The following GSE1 variants were observed in gnomAD, a reference collection of about 807,000 sequenced individuals.
The protein encoded by GSE1 is genetic suppressor element 1.
GSE1 carries 32 observed loss-of-function variants against 112.6 expected under a neutral mutation model. The observed-to-expected ratio is 0.28, with a 90% CI of 0.21 to 0.38. The LOEUF (loss-of-function observed/expected upper bound fraction) is 0.38. Ranked by LOEUF, GSE1 falls within the 10% of genes least tolerant of loss-of-function variation. GSE1 has a pLI of 1.00. For missense variants in GSE1, 2,348 were observed against 1,699.2 expected (o/e 1.38, Z -6.71); for synonymous variants, 1,115 against 735.6 (o/e 1.52, Z -8.35).
chr16:85,546,126 C>G (rs189813854), intron 2 of GSE1, among the ~76,000 whole-genome samples: 15 of 151,962 alleles, frequency 9.9e-5, no homozygotes, highest in Non-Finnish European at 1.6e-4. Flanking sequence ...GCTCTGTTGC[C>G]CAGGCTAGAG....
intron 1 of GSE1, among the ~76,000 whole-genome samples, chr16:85,288,391 G>A (rs1323145164): frequency 6.6e-6 from 1 of 152,250 alleles, no homozygotes; most frequent in East Asian, 1.9e-4. Flanking sequence ...CTGGGCAGAT[G>A]GGCAAAGAGA....
intron 1 of GSE1, among the ~76,000 whole-genome samples, chr16:85,211,014 A>G (rs1039402075): frequency 3.9e-5 from 6 of 152,210 alleles, no homozygotes; most frequent in Admixed American, 3.9e-4. Flanking sequence ...GGACTGTGCC[A>G]CTTGACCTTG....
intron 1 of GSE1, among the ~76,000 whole-genome samples, chr16:85,172,579 C>T (rs896767920): frequency 1.3e-5 from 2 of 152,226 alleles, no homozygotes; most frequent in African/African-American, 2.4e-5. Flanking sequence ...CAGGAACTGC[C>T]CCCGGTGGGT....
Position 85,672,606 on chromosome 16 carries a change from TTAATA to T in GSE1, c.*69_*73del. 1 of 1,132,452 alleles carries T rather than the reference TTAATA, an allele frequency of 8.8e-7. No homozygotes were observed. Among genetic ancestry groups the T allele is most frequent in the Non-Finnish European group, 1.2e-6 (1 of 827,480 alleles). The allele number at this position is 1,132,452 out of a possible 1,614,324, so 70.2% of individuals were successfully genotyped here. A position where few individuals can be genotyped will look rare whatever the true frequency, so the allele number is the denominator to read the frequency against. On this transcript the variant is annotated 3_prime_UTR_variant, in exon 16 of 16. Transcript: ENST00000253458. ...TTATCTATTTTATTACCTTGAATAT[TTAATA>T]TTTTTCACTGGGAGGTTTGAAGCTT...
At chr16:85,656,006 A>G (rs2051894515) in intron 6 of GSE1, 89 bp downstream of exon 6, 2 of 1,046,962 alleles carry the variant, frequency 1.9e-6, no homozygotes, top group Non-Finnish European at 2.8e-6. Flanking sequence ...ACCTGACTGG[A>G]CTCCTTGGCC....
chr16:85,662,817 T>A (rs1236044352), intron 9 of GSE1, 164 bp from the exon 10 acceptor site: 3 of 600,254 alleles, frequency 5.0e-6, no homozygotes, highest in Non-Finnish European at 9.0e-6. Context: ...CAGGACTGGG[T>A]TAATGTTGGT....
upstream of GSE1, among the ~76,000 whole-genome samples, chr16:85,607,291 G>A (rs1463839570): frequency 6.6e-6 from 1 of 152,128 alleles, no homozygotes; most frequent in African/African-American, 2.4e-5. Context: ...TGGTAGCAGG[G>A]GTATTCTTTT....
At chr16:85,265,440 C>A (rs544245224) in intron 1 of GSE1, among the ~76,000 whole-genome samples, 2 of 152,320 alleles carry the variant, frequency 1.3e-5, no homozygotes, top group East Asian at 3.9e-4. Context: ...CGCTAATGCA[C>A]CCTGTGGACC....
chr16:85,287,437 C>T (rs1306792549), intron 1 of GSE1, among the ~76,000 whole-genome samples: 1 of 152,044 alleles, frequency 6.6e-6, no homozygotes, highest in African/African-American at 2.4e-5. Flanking sequence ...AGTAATGATC[C>T]ACCCACACCC....
chr16:85,579,417 T>A (rs1009965202), intron 1 of GSE1, among the ~76,000 whole-genome samples: 1 of 152,202 alleles, frequency 6.6e-6, no homozygotes, highest in Non-Finnish European at 1.5e-5. Context: ...GAGGGCGCTT[T>A]GTATTGTAAA....
At chr16:85,290,889 C>T (rs2045190049) in intron 1 of GSE1, among the ~76,000 whole-genome samples, 1 of 152,174 alleles carries the variant, frequency 6.6e-6, no homozygotes, top group Non-Finnish European at 1.5e-5. Flanking sequence ...GGGAGCCCCA[C>T]CCAGCCTCCC....
intron 1 of GSE1, among the ~76,000 whole-genome samples, chr16:85,564,234 C>T (rs1168710659): frequency 7.2e-5 from 11 of 152,108 alleles, no homozygotes; most frequent in South Asian, 2.1e-4. Flanking sequence ...TATGGAGCTT[C>T]GAGGTGAGTG....
At chr16:85,378,148 G>T in intron 2 of GSE1, among the ~76,000 whole-genome samples, 1 of 152,194 alleles carries the variant, frequency 6.6e-6, no homozygotes, top group East Asian at 1.9e-4. Context: ...GTGGGGGCCA[G>T]CTTGGGGCAG....
chr16:85,658,166 C>T (rs1209101325), intron 8 of GSE1, among the ~76,000 whole-genome samples: 1 of 152,206 alleles, frequency 6.6e-6, no homozygotes, highest in African/African-American at 2.4e-5. Context: ...TGAGCTGGGC[C>T]CCAGTGCCCC....
chr16:85,316,079 AC>A (rs1449325571), intron 1 of GSE1, among the ~76,000 whole-genome samples: 1 of 152,234 alleles, frequency 6.6e-6, no homozygotes. Flanking sequence ...ATCTGGCCTG[AC>A]TGCTGTTTCC....
At chr16:85,659,417 T>C (rs1470895054) in intron 8 of GSE1, 2 of 152,308 alleles carry the variant, frequency 1.3e-5, no homozygotes, top group African/African-American at 4.8e-5. Flanking sequence ...CCAACTACTC[T>C]GGAGGCTGAG....
At chr16:85,474,719 C>G (rs1220437285) in intron 2 of GSE1, among the ~76,000 whole-genome samples, 1 of 150,906 alleles carries the variant, frequency 6.6e-6, no homozygotes, top group Non-Finnish European at 1.5e-5. Context: ...CTCCCTCTCC[C>G]CACTCCCACC....
At chr16:85,357,202 G>A (rs2046967858) in intron 1 of GSE1, among the ~76,000 whole-genome samples, 1 of 152,202 alleles carries the variant, frequency 6.6e-6, no homozygotes, top group Non-Finnish European at 1.5e-5. Context: ...CCAAGAAGAT[G>A]GGGCTGTGTG....
intron 2 of GSE1, among the ~76,000 whole-genome samples, chr16:85,362,694 G>A (rs897630177): frequency 1.3e-5 from 2 of 152,216 alleles, no homozygotes; most frequent in Admixed American, 6.5e-5. Context: ...TTCTTATTGT[G>A]GTCTCTGTGA....
Sources: allele counts gnomAD v4.1 joint callset (sites outside exome capture counted in the v4.1 genomes callset), GRCh38; gene constraint gnomAD v4.1.1; transcripts MANE v1.5; gene names NCBI Gene and HGNC (gene_info 2026-07-23, HGNC 2026-07-21).